PRPF6: variants seen among roughly 807,000 people sequenced by gnomAD.
The protein encoded by PRPF6 is pre-mRNA-processing factor 6.
Under a neutral mutation model 118.3 loss-of-function variants are expected in PRPF6, and 42 were observed. The ratio of observed to expected loss-of-function variants is 0.35; its 90% confidence interval spans 0.28 to 0.46. The LOEUF (loss-of-function observed/expected upper bound fraction) is 0.46. Among genes scored for constraint, PRPF6 ranks in the 20% least tolerant of loss-of-function variants. PRPF6 has a pLI of 1.00. For synonymous variants in PRPF6, 481 were observed against 485.1 expected (o/e 0.99, Z 0.11); for missense variants, 662 against 1,255.7 (o/e 0.53, Z 7.15).
At position 64,022,200 on chromosome 20, in the gene PRPF6, C is replaced by T. The variant is rs540283577; in HGVS notation, c.1648-557C>T. On this transcript the variant is annotated intron_variant, in intron 12 of 20. Coordinates refer to ENST00000266079, the MANE Select transcript of PRPF6 (RefSeq NM_012469.4). ...TCCTCAGGCTTGTCTCTTTCATGTA[C>T]ACTGGAGTAAGCACAGCTGTTTTTC... Among the ~76,000 whole-genome samples the T allele has an allele frequency of 6.6e-5, 10 of 152,382 alleles. 1 individual carries two copies. In the South Asian group the frequency reaches 2.1e-3, roughly 32 times the overall value.
In PRPF6 at chr20:63,994,962, A is replaced by G; in HGVS notation, c.485A>G (p.Glu162Gly). ...VTEEEWLSIPEVGDARNKRQR... is the reference protein window; with the variant it reads ...VTEEEWLSIPGVGDARNKRQR... Reference sequence around the variant, plus strand: ...GAAGAAGAGTGGCTGAGCATCCCCGAGGTTGGCGATGCCAGAAATAAACGT... The same window carrying G: ...GAAGAAGAGTGGCTGAGCATCCCCGGGGTTGGCGATGCCAGAAATAAACGT... Residue 162 changes from glutamate to glycine, a missense_variant, in exon 5 of 21, where the codon GAG becomes GGG. Physicochemically the swap from Glu to Gly is moderately conservative, Grantham distance 98. This residue lies in a region of PRPF6 where 97 missense variants were observed against 122.6 expected (regional missense o/e 0.79). Transcript: ENST00000266079. 6.2e-7 allele frequency: 1 copy of G among 1,614,168 alleles called. No homozygotes were observed. The highest frequency in any genetic ancestry group is 1.3e-5 in the African/African-American group (1 of 75,036).
At chr20:63,984,148 C>G (rs568115457) in intron 2 of PRPF6, among the ~76,000 whole-genome samples, 2 of 152,110 alleles carry the variant, frequency 1.3e-5, no homozygotes, top group African/African-American at 4.8e-5. Flanking sequence ...AGGCCAGGTG[C>G]GGTAGCTCAC....
At chr20:63,995,570 C>T (rs1601514256) in intron 6 of PRPF6, 88 bp downstream of exon 6, 1 of 1,484,006 alleles carries the variant, frequency 6.7e-7, no homozygotes, top group East Asian at 2.3e-5. Context: ...TCTTCTTCTC[C>T]TTTTTCTTCT....
In PRPF6 at chr20:63,993,226, A is replaced by G. The variant is rs868321430; in HGVS notation, c.360-181A>G. Among the ~76,000 whole-genome samples, 62 of 129,336 alleles carry G rather than the reference A, an allele frequency of 4.8e-4. 1 individual carries two copies. In the South Asian group the frequency reaches 8.7e-3, roughly 18 times the overall value. 84.8% of individuals were successfully genotyped at this position (129,336 alleles called of 152,430 possible). On this transcript the variant is annotated intron_variant, in intron 3 of 20. Coordinates refer to ENST00000266079, the MANE Select transcript of PRPF6 (RefSeq NM_012469.4). ...GCAAGACTCCATCTCAAAAAAAAAA[A>G]TGTGTGTGTGTGTGTGTGTGTGTGT...
In PRPF6 at chr20:64,001,137, G is replaced by A; in HGVS notation, c.1084G>A (p.Val362Ile). 5.0e-6 allele frequency: 8 copies of A among 1,614,206 alleles called. No individual in the cohort carries two copies. The highest frequency in any genetic ancestry group is 6.8e-6 in the Non-Finnish European group (8 of 1,180,026). ...LQPGDTAKAV[V>I]AQAVRHLPQS... ...GCCTGGGGACACAGCCAAGGCCGTG[G>A]TAGCCCAAGCTGTCCGTCATCTCCC... Residue 362 changes from valine (V) to isoleucine (I), a missense_variant, in exon 9 of 21, where the codon GTA becomes ATA. Val to Ile is a conservative substitution (Grantham distance 29). Around this residue, in one of 10 missense-constraint regions of PRPF6, gnomAD observed 71 missense variants for 166.4 expected, o/e 0.43. Coordinates refer to ENST00000266079, the MANE Select transcript of PRPF6 (RefSeq NM_012469.4).
At chr20:64,032,119 C>CT in intron 20 of PRPF6, 75 bp downstream of exon 20, 1 of 1,607,126 alleles carries the variant, frequency 6.2e-7, no homozygotes, top group East Asian at 2.2e-5. Context: ...CCTGGGGGCT[C>CT]TAGGAGGTGG....
intron 2 of PRPF6, among the ~76,000 whole-genome samples, chr20:63,984,530 G>A (rs748489056): frequency 6.3e-4 from 96 of 152,240 alleles, no homozygotes; most frequent in Non-Finnish European, 1.2e-3. Context: ...AGCTTCTCCC[G>A]ATGTTACATG....
In PRPF6 at chr20:64,027,980, GA is replaced by G. The variant is rs2059298854; in HGVS notation, c.2339+245del. Among the ~76,000 whole-genome samples the G allele has an allele frequency of 6.6e-6, 1 of 152,200 alleles. No individual in the cohort carries two copies. The highest frequency in any genetic ancestry group is 6.5e-5 in the Admixed American group (1 of 15,282). On this transcript the variant is annotated intron_variant, in intron 17 of 20. Transcript: ENST00000266079. The surrounding 1 kb of genome is among the most constrained non-coding windows in gnomAD (Gnocchi z 6.5). The stretch of plus-strand genomic sequence containing the variant: ...TTGTGTTCTGATGGAGGGCGCCTGG[GA>G]GAGGGAGGGGTTAATGATGGCTGGG...
Position 64,032,900 on chromosome 20 carries a change from G to A in PRPF6, c.2733G>A (p.Leu911=). Residue 911 remains leucine (L), a synonymous_variant, in exon 21 of 21, where the codon CTG becomes CTA. Coordinates refer to ENST00000266079, the MANE Select transcript of PRPF6 (RefSeq NM_012469.4). ...CESAEPRHGE[L]WCAVSKDIAN... is the part of the protein sequence containing the mutation. ...GTGCAGAGCCTCGGCATGGGGAGCT[G>A]TGGTGCGCCGTGTCCAAGGACATCG... 1 of 1,613,336 alleles carries A rather than the reference G, an allele frequency of 6.2e-7. No homozygotes were observed. The highest frequency in any genetic ancestry group is 8.5e-7 in the Non-Finnish European group (1 of 1,180,034).
chr20:64,011,557 G>T lies in PRPF6; in HGVS notation c.1524+54G>T. The T allele has an allele frequency of 6.5e-7, 1 of 1,548,302 alleles. No individual in the cohort carries two copies. The highest frequency in any genetic ancestry group is 8.8e-7 in the Non-Finnish European group (1 of 1,141,342). ...TGCTTTAACAGTGCACATGCAGCAC[G>T]TGAGAGTCCCACGCAGGACTGGGGG... is the stretch of plus-strand genomic sequence containing the variant. On this transcript the variant is annotated intron_variant, in intron 11 of 20. Coordinates refer to ENST00000266079, the MANE Select transcript of PRPF6 (RefSeq NM_012469.4). The surrounding 1 kb of genome is among the most constrained non-coding windows in gnomAD (Gnocchi z 6.7).
rs371372799 is a variant in PRPF6 at position 64,029,524 on chromosome 20, C to T, written c.2546+33C>T. The T allele has an allele frequency of 9.3e-5, 146 of 1,569,094 alleles. No homozygotes were observed. Among genetic ancestry groups the T allele is most frequent in the South Asian group, 5.2e-4 (47 of 90,200 alleles). ...GGGCCCCCACAGGATTGCTGAACCTCGGGGTCCTAATGGGCTCTTTTTCCA... is the reference window on the plus strand; with the variant it reads ...GGGCCCCCACAGGATTGCTGAACCTTGGGGTCCTAATGGGCTCTTTTTCCA... On this transcript the variant is annotated intron_variant, in intron 19 of 20. Transcript: ENST00000266079. This position sits in a 1 kb window ranked among gnomAD's most constrained non-coding sequence, Gnocchi z 4.8.
Position 63,993,484 on chromosome 20 carries a change from A to G in PRPF6, c.437A>G (p.Lys146Arg). Reference sequence around the variant, plus strand: ...ATCCAACAGCAGTTCTCAGACCTCAAGGTGAGCCGATGAAGCGGTGAATGG... The same window carrying G: ...ATCCAACAGCAGTTCTCAGACCTCAGGGTGAGCCGATGAAGCGGTGAATGG... ...PKIQQQFSDL[K>R]RKLAEVTEEE... The change falls in exon 4 of 21, where the codon AAG (lysine) becomes AGG (arginine). Residue 146 changes from lysine to arginine, a missense_variant and splice_region_variant. Coordinates refer to ENST00000266079, the MANE Select transcript of PRPF6 (RefSeq NM_012469.4). 2 of 1,609,562 alleles carry G rather than the reference A, an allele frequency of 1.2e-6. No individual in the cohort carries two copies. Among genetic ancestry groups the G allele is most frequent in the Non-Finnish European group, 1.7e-6 (2 of 1,176,178 alleles).
chr20:64,005,674 G>A (rs2059187144), intron 9 of PRPF6, among the ~76,000 whole-genome samples: 1 of 152,092 alleles, frequency 6.6e-6, no homozygotes. Flanking sequence ...CTCCTGGGCT[G>A]TAGTGATCCT....
In PRPF6 at chr20:64,027,154, A is replaced by T; in HGVS notation, c.2201A>T (p.Gln734Leu). The T allele has an allele frequency of 6.2e-7, 1 of 1,613,262 alleles. No homozygotes were observed. Among genetic ancestry groups the T allele is most frequent in the Admixed American group, 1.7e-5 (1 of 60,022 alleles). Residue 734 changes from glutamine (Q) to leucine (L), a missense_variant, in exon 16 of 21, where the codon CAG becomes CTG. By Grantham distance (113) the Gln-to-Leu change is moderately radical. Coordinates refer to ENST00000266079, the MANE Select transcript of PRPF6 (RefSeq NM_012469.4). This position sits in a 1 kb window ranked among gnomAD's most constrained non-coding sequence, Gnocchi z 6.5. Reference protein sequence around the residue: ...MMEKAREAYNQGLKKCPHSTP... With the variant: ...MMEKAREAYNLGLKKCPHSTP... ...GAGAAGGCGCGGGAAGCCTATAACCAGGGGGTACGTCTCTGCCTGCACCCT... is the reference window on the plus strand; with the variant it reads ...GAGAAGGCGCGGGAAGCCTATAACCTGGGGGTACGTCTCTGCCTGCACCCT...
chr20:64,020,415 T>TA lies in PRPF6; in HGVS notation c.1648-2342_1648-2341insA, dbSNP rs1476197639. On this transcript the variant is annotated intron_variant, in intron 12 of 20. Transcript: ENST00000266079. ...TGGGTGACAAAGCGAGACTCTGTCTTTAAAAAAAAATCCTTTCAGCATCTG... is the reference window on the plus strand; with the variant it reads ...TGGGTGACAAAGCGAGACTCTGTCTTATAAAAAAAAATCCTTTCAGCATCTG... Among the ~76,000 whole-genome samples, 560 of 151,032 alleles carry TA rather than the reference T, an allele frequency of 3.7e-3. 8 individuals carry two copies. Among genetic ancestry groups the TA allele is most frequent in the African/African-American group, 0.011 (438 of 41,112 alleles).
intron 12 of PRPF6, among the ~76,000 whole-genome samples, chr20:64,019,458 G>A (rs1016696848): frequency 2.0e-5 from 3 of 152,096 alleles, no homozygotes; most frequent in South Asian, 4.1e-4. Context: ...CAAAGTGCTC[G>A]TGATGCTAGA....
chr20:63,999,983 G>GC (rs1241686765), intron 8 of PRPF6, among the ~76,000 whole-genome samples: 1 of 146,608 alleles, frequency 6.8e-6, no homozygotes, highest in Non-Finnish European at 1.5e-5. Context: ...ACGGAGTCTC[G>GC]CTCTGTCACC....
At chr20:64,024,218 G>A (rs1308155599) in intron 13 of PRPF6, among the ~76,000 whole-genome samples, 1 of 152,144 alleles carries the variant, frequency 6.6e-6, no homozygotes, top group Non-Finnish European at 1.5e-5. Flanking sequence ...GTGCTCTGTG[G>A]TTCAAGATGA....
At chr20:63,993,173 G>A (rs1050686900) in intron 3 of PRPF6, among the ~76,000 whole-genome samples, 6 of 150,472 alleles carry the variant, frequency 4.0e-5, no homozygotes, top group Admixed American at 3.3e-4. Flanking sequence ...CTGAGATTGC[G>A]CCACTGCACT....
Sources: allele counts gnomAD v4.1 joint callset (sites outside exome capture counted in the v4.1 genomes callset), GRCh38; gene constraint gnomAD v4.1.1; regional missense constraint gnomAD v4.1.1; non-coding constraint Gnocchi (gnomAD v3.1); transcripts MANE v1.5; gene names NCBI Gene and HGNC (gene_info 2026-07-23, HGNC 2026-07-21).